Variants in MED17 observed in about 807,000 individuals in gnomAD.
MED17 encodes mediator of RNA polymerase II transcription subunit 17.
A neutral mutation model predicts 80.8 loss-of-function variants in MED17; 49 were observed. The observed-to-expected ratio is 0.61, with a 90% CI of 0.48 to 0.77. The LOEUF is 0.77. MED17 is among the 30% of genes least tolerant of loss of function. MED17 has a pLI of 0.00. For synonymous variants in MED17, 281 were observed against 280.4 expected, an observed-to-expected ratio of 1.00 and a Z score of -0.02; for missense variants, 718 against 787.0, an observed-to-expected ratio of 0.91 and a Z score of 1.05.
chr11:93,809,865 A>T lies in MED17; in HGVS notation c.1733A>T (p.Tyr578Phe). ...AITVASPSGD[Y>F]AISVRNGPES... is the part of the protein sequence containing the mutation. ...ACGGTGGCCTCCCCAAGTGGTGACT[A>T]TGCTATTTCAGGTACTTTCTGCTGC... The change falls in exon 11 of 12, where the codon TAT becomes TTT. Residue 578 changes from tyrosine to phenylalanine, a missense_variant. Transcript: ENST00000251871. 1 of 1,614,214 alleles carries T rather than the reference A, an allele frequency of 6.2e-7. No individual in the cohort carries two copies. The highest frequency in any genetic ancestry group is 8.5e-7 in the Non-Finnish European group (1 of 1,180,030).
Position 93,795,103 on chromosome 11 carries a change from T to C in MED17, c.1012+43T>C, listed in dbSNP as rs778081878. The C allele has an allele frequency of 1.9e-6, 3 of 1,607,336 alleles. No homozygotes were observed. The East Asian group carries it at 6.7e-5, about 36-fold the overall frequency. On this transcript the variant is annotated intron_variant, in intron 6 of 11. Transcript: ENST00000251871. ...TCGACTTTATGAACAGGACTTTGTG[T>C]TTTGGGGGACTAGGACAGAGAAGGT...
chr11:93,804,010 TATATATATATATATATACACAC>T (rs1943995318), intron 9 of MED17, among the ~76,000 whole-genome samples: 2 of 19,452 alleles, frequency 1.0e-4, no homozygotes, highest in East Asian at 1.8e-3. Flanking sequence ...TATATATATA[TATATATATATATATATACACAC>T]ACACATATAC....
rs1943910385 is a variant in MED17, at chr11:93,796,973, A to G, written c.1143+433A>G. 3 of 235,782 alleles carry G rather than the reference A, an allele frequency of 1.3e-5. No homozygotes were observed. The Admixed American group carries it at 1.5e-4, about 12-fold the overall frequency. 14.6% of individuals were successfully genotyped at this position (235,782 alleles called of 1,614,324 possible). A position where few individuals can be genotyped will look rare whatever the true frequency, so the allele number is the denominator to read the frequency against. ...AAGAATATCCTGTGAAATTTCATAG[A>G]ATTATATATTACAGCCTCCCTTGCC... On this transcript the variant is annotated intron_variant, in intron 7 of 11. Coordinates refer to ENST00000251871, the MANE Select transcript of MED17 (RefSeq NM_004268.5).
chr11:93,795,429 T>C (rs1943889330), intron 6 of MED17: 1 of 280,254 alleles, frequency 3.6e-6, no homozygotes, highest in Non-Finnish European at 6.9e-6. Context: ...TAAAAATGTT[T>C]ACTCTTAACG....
intron 9 of MED17, 114 bp downstream of exon 9, chr11:93,802,086 G>A: frequency 5.2e-6 from 5 of 967,194 alleles, no homozygotes; most frequent in Non-Finnish European, 6.3e-6. Flanking sequence ...TAATATTTCT[G>A]TAAATTATAT....
chr11:93,811,907 A>G lies in MED17; in HGVS notation c.1799A>G (p.Gln600Arg), dbSNP rs1944088952. ...ATTATGGTTCAGTTTCCTCGTAACC[A>G]ATGTAAAGACCTTCCAAAAAGTGAT... is the stretch of plus-strand genomic sequence containing the variant. ...SKIMVQFPRNQCKDLPKSDVL... is the reference protein window; with the variant it reads ...SKIMVQFPRNRCKDLPKSDVL... Residue 600 changes from glutamine to arginine, a missense_variant, in exon 12 of 12, where the codon CAA becomes CGA. Physicochemically the swap from Gln to Arg is conservative, Grantham distance 43. Transcript: ENST00000251871. The G allele has an allele frequency of 1.9e-6, 3 of 1,614,110 alleles. No homozygotes were observed. The highest frequency in any genetic ancestry group is 2.7e-5 in the African/African-American group (2 of 75,046).
chr11:93,796,028 A>T (rs867837217), intron 6 of MED17: 1 of 274,320 alleles, frequency 3.6e-6, no homozygotes, highest in African/African-American at 2.2e-5. Context: ...GCTCACTGCA[A>T]CCTGTCCACT....
chr11:93,797,832 AG>A (rs1345514116), intron 8 of MED17, 113 bp downstream of exon 8: 1 of 963,010 alleles, frequency 1.0e-6, no homozygotes, highest in African/African-American at 1.7e-5. Context: ...TTTTAGGGAG[AG>A]GAGGTGGTAA....
intron 3 of MED17, 153 bp from the exon 4 acceptor site, chr11:93,793,575 A>G (rs1312898201): frequency 8.1e-6 from 5 of 619,426 alleles, no homozygotes; most frequent in African/African-American, 3.7e-5. Flanking sequence ...TTTGTTCACC[A>G]TTCCTCACCC....
chr11:93,789,391 T>A (rs1427034846), intron 2 of MED17: 1 of 152,202 alleles, frequency 6.6e-6, no homozygotes, highest in African/African-American at 2.4e-5. Flanking sequence ...CCACTGCCTT[T>A]TCTACTATTC....
At position 93,811,866 on chromosome 11, in the gene MED17, T is replaced by A; in HGVS notation, c.1758T>A (p.Pro586=). ...GDYAISVRNG[P]ESGSKIMVQF... ...TTTTCTCCACAGTTCGTAATGGACC[T>A]GAAAGTGGCAGCAAGATTATGGTTC... The change falls in exon 12 of 12, where the codon CCT becomes CCA. Residue 586 remains proline, a synonymous_variant. Coordinates refer to ENST00000251871, the MANE Select transcript of MED17 (RefSeq NM_004268.5). 1 of 1,614,118 alleles carries A rather than the reference T, an allele frequency of 6.2e-7. No homozygotes were observed.
intron 3 of MED17, 86 bp from the exon 4 acceptor site, chr11:93,793,636 TGATGTG>T (rs1943867020): frequency 2.1e-6 from 2 of 947,276 alleles, no homozygotes; most frequent in Non-Finnish European, 3.3e-6. Flanking sequence ...TGTGATTCAG[TGATGTG>T]GATGTGAAGT....
chr11:93,812,372 G>T lies in MED17; in HGVS notation c.*308G>T. 2.0e-6 allele frequency: 1 copy of T among 511,736 alleles called. No homozygotes were observed. 31.7% of individuals were successfully genotyped at this position (511,736 alleles called of 1,614,324 possible). A position where few individuals can be genotyped will look rare whatever the true frequency, so the allele number is the denominator to read the frequency against. ...CTTTTTAAAATATTCCTTCTTTGAT[G>T]TTGACATCAAATAAAGTATGTGGTT... On this transcript the variant is annotated 3_prime_UTR_variant, in exon 12 of 12. Coordinates refer to ENST00000251871, the MANE Select transcript of MED17 (RefSeq NM_004268.5).
In MED17 at chr11:93,814,637, C is replaced by G. The variant is rs193210922; in HGVS notation, c.*2573C>G. On this transcript the variant is annotated 3_prime_UTR_variant, in exon 12 of 12. Transcript: ENST00000251871. ...GTAATAAATGTTAAATTCTAAAGTA[C>G]TACATAAATATAAAGCATTAAGCAA... is the stretch of plus-strand genomic sequence containing the variant. The G allele has an allele frequency of 1.2e-3, 178 of 152,246 alleles. No individual in the cohort carries two copies. Among genetic ancestry groups the G allele is most frequent in the African/African-American group, 4.2e-3 (173 of 41,544 alleles). 9.4% of individuals were successfully genotyped at this position (152,246 alleles called of 1,614,324 possible). A position where few individuals can be genotyped will look rare whatever the true frequency, so the allele number is the denominator to read the frequency against.
At chr11:93,797,786 T>A in intron 8 of MED17, 67 bp downstream of exon 8, 3 of 1,411,790 alleles carry the variant, frequency 2.1e-6, no homozygotes, top group Non-Finnish European at 3.0e-6. Flanking sequence ...TTCTGTTATT[T>A]CATAACACTT....
chr11:93,795,774 G>GACTA (rs780329242), intron 6 of MED17: 1 of 154,274 alleles, frequency 6.5e-6, no homozygotes, highest in South Asian at 2.0e-4. Flanking sequence ...GAGCAGGGAA[G>GACTA]ACTAACTGTC....
intron 1 of MED17, among the ~76,000 whole-genome samples, chr11:93,785,688 G>A (rs1436069887): frequency 6.6e-6 from 1 of 152,190 alleles, no homozygotes; most frequent in African/African-American, 2.4e-5. Context: ...GTATTATTCT[G>A]GGAGTCGGAT....
chr11:93,784,836 C>T (rs1943752138), intron 1 of MED17, 73 bp downstream of exon 1: 1 of 1,520,298 alleles, frequency 6.6e-7, no homozygotes, highest in South Asian at 1.2e-5. Context: ...GCCTCTCCCG[C>T]GATGGGGGTG....
At chr11:93,799,504 G>A (rs1038202651) in intron 8 of MED17, among the ~76,000 whole-genome samples, 1 of 152,174 alleles carries the variant, frequency 6.6e-6, no homozygotes, top group African/African-American at 2.4e-5. Context: ...AAGTAGCTGG[G>A]CTTGGTGTGG....
Sources: allele counts gnomAD v4.1 joint callset (sites outside exome capture counted in the v4.1 genomes callset), GRCh38; gene constraint gnomAD v4.1.1; transcripts MANE v1.5; gene names NCBI Gene and HGNC (gene_info 2026-07-23, HGNC 2026-07-21).